ST3GAL3: variants seen among roughly 807,000 people sequenced by gnomAD.
ST3GAL3 encodes CMP-N-acetylneuraminate-beta-1,4-galactoside alpha-2,3-sialyltransferase.
In ST3GAL3, 21 loss-of-function variants were observed where a neutral mutation model predicts 50.1. That is an observed-to-expected ratio of 0.42 (90% confidence interval 0.30 to 0.60). The LOEUF is 0.60. ST3GAL3 is among the 20% of genes least tolerant of loss of function. The pLI, the probability that ST3GAL3 is intolerant of heterozygous loss-of-function variation, is 0.19. For missense variants in ST3GAL3, 353 were observed against 489.4 expected (o/e 0.72, Z 2.63); for synonymous variants, 183 against 190.0 (o/e 0.96, Z 0.30).
At chr1:43,836,640 T>C (rs72886898) in intron 4 of ST3GAL3, among the ~76,000 whole-genome samples, 10,153 of 152,304 alleles carry the variant, frequency 0.067, 371 homozygotes, top group East Asian at 0.14. Flanking sequence ...CACCAGAGTT[T>C]TGGCAGCAGG....
chr1:43,922,005 C>T (rs1052283043), intron 11 of ST3GAL3: 1 of 359,776 alleles, frequency 2.8e-6, no homozygotes, highest in African/African-American at 2.1e-5. Flanking sequence ...TTCCAACATT[C>T]CTCTTATTTC....
At position 43,855,209 on chromosome 1, in the gene ST3GAL3, C is replaced by A. The variant is rs573181893; in HGVS notation, c.302+16898C>A. On this transcript the variant is annotated intron_variant, in intron 5 of 11. Coordinates refer to ENST00000347631, the MANE Select transcript of ST3GAL3 (RefSeq NM_006279.5). Reference sequence around the variant, plus strand: ...TGTCACGCCATTTTTAGAGCACCTACCGTGTGCCAGACACTGTATTTCATT... The same window carrying A: ...TGTCACGCCATTTTTAGAGCACCTAACGTGTGCCAGACACTGTATTTCATT... Among the ~76,000 whole-genome samples, 7 of 152,300 alleles carry A rather than the reference C, an allele frequency of 4.6e-5. No homozygotes were observed. In the East Asian group the frequency reaches 1.4e-3, roughly 29 times the overall value.
chr1:43,746,531 C>T (rs188066545), intron 2 of ST3GAL3, among the ~76,000 whole-genome samples: 2 of 149,740 alleles, frequency 1.3e-5, no homozygotes, highest in Admixed American at 6.7e-5. Context: ...GGTGCAATCT[C>T]GGCTCACTGC....
intron 9 of ST3GAL3, among the ~76,000 whole-genome samples, chr1:43,906,618 C>G (rs2906598): frequency 0.09 from 13,224 of 146,308 alleles, 832 homozygotes; most frequent in South Asian, 0.21. Flanking sequence ...TCCTCCTGCT[C>G]TTCTTCCTGC....
At chr1:43,794,727 G>T (rs1291798584) in intron 3 of ST3GAL3, among the ~76,000 whole-genome samples, 1 of 152,130 alleles carries the variant, frequency 6.6e-6, no homozygotes, top group Non-Finnish European at 1.5e-5. Flanking sequence ...TATTCATAGG[G>T]AACAGTAAAA....
intron 9 of ST3GAL3, among the ~76,000 whole-genome samples, chr1:43,903,050 C>A (rs1458384596): frequency 6.6e-6 from 1 of 152,104 alleles, no homozygotes; most frequent in Non-Finnish European, 1.5e-5. Flanking sequence ...CTGAGCTGGA[C>A]CCTGAAGGAA....
At chr1:43,806,891 A>T (rs1228991801) in intron 3 of ST3GAL3, among the ~76,000 whole-genome samples, 1 of 152,058 alleles carries the variant, frequency 6.6e-6, no homozygotes, top group African/African-American at 2.4e-5. Flanking sequence ...AGGTTTCACC[A>T]TGTTGCCCAG....
chr1:43,812,934 C>T (rs1019030885), intron 3 of ST3GAL3, among the ~76,000 whole-genome samples: 12 of 151,938 alleles, frequency 7.9e-5, no homozygotes, highest in African/African-American at 2.9e-4. Flanking sequence ...AAATAATAAA[C>T]CACAGATATA....
chr1:43,778,311 A>G (rs1572677212), intron 2 of ST3GAL3, among the ~76,000 whole-genome samples: 1 of 152,182 alleles, frequency 6.6e-6, no homozygotes, highest in Non-Finnish European at 1.5e-5. Flanking sequence ...TAGCTAATGG[A>G]TGCTGGGCTT....
At chr1:43,892,753 G>A (rs1169479625) in intron 5 of ST3GAL3, among the ~76,000 whole-genome samples, 2 of 152,150 alleles carry the variant, frequency 1.3e-5, no homozygotes, top group African/African-American at 4.8e-5. Flanking sequence ...ATAAAATCCT[G>A]TCCAAGCTTG....
intron 4 of ST3GAL3, among the ~76,000 whole-genome samples, chr1:43,831,360 A>G (rs1331682490): frequency 6.6e-6 from 1 of 152,258 alleles, no homozygotes; most frequent in Non-Finnish European, 1.5e-5. Context: ...TGATGGGTCC[A>G]TGTATGATAT....
chr1:43,736,922 C>T (rs936136067), intron 2 of ST3GAL3: 6 of 220,592 alleles, frequency 2.7e-5, no homozygotes, highest in Admixed American at 5.3e-5. Flanking sequence ...CCAGTAACTC[C>T]TAATTTTTTT....
intron 3 of ST3GAL3, chr1:43,801,276 T>C (rs2059284326): frequency 2.2e-6 from 1 of 456,210 alleles, no homozygotes. Context: ...ATCTTCTTTG[T>C]GCCAGGTACA....
chr1:43,919,243 A>G (rs1385437070), intron 9 of ST3GAL3: 1 of 151,646 alleles, frequency 6.6e-6, no homozygotes, highest in Non-Finnish European at 1.5e-5. Flanking sequence ...ATGCCTGGCT[A>G]ATTTTTTGTA....
intron 1 of ST3GAL3, among the ~76,000 whole-genome samples, chr1:43,725,925 G>A (rs989581354): frequency 2.6e-5 from 4 of 152,148 alleles, no homozygotes; most frequent in African/African-American, 4.8e-5. Context: ...GATTACAGGC[G>A]TGAGCCATCG....
chr1:43,921,141 G>A (rs1030409006), intron 11 of ST3GAL3, among the ~76,000 whole-genome samples: 2 of 152,012 alleles, frequency 1.3e-5, no homozygotes, highest in African/African-American at 4.8e-5. Flanking sequence ...CCGTGCCCTG[G>A]TCCTGCACCT....
chr1:43,860,715 C>T (rs1011742211), intron 5 of ST3GAL3, among the ~76,000 whole-genome samples: 1 of 152,230 alleles, frequency 6.6e-6, no homozygotes, highest in South Asian at 2.1e-4. Flanking sequence ...AGCCATGAGC[C>T]CCTTTCCCTA....
intron 1 of ST3GAL3, among the ~76,000 whole-genome samples, chr1:43,734,316 T>G (rs1193735640): frequency 2.8e-5 from 4 of 142,544 alleles, no homozygotes; most frequent in African/African-American, 1.0e-4. Flanking sequence ...TTGTTTTTTT[T>G]TTTTTTGAGA....
chr1:43,911,657 C>A (rs1249558411), intron 9 of ST3GAL3, among the ~76,000 whole-genome samples: 11 of 142,676 alleles, frequency 7.7e-5, no homozygotes, highest in African/African-American at 2.3e-4. Context: ...ATATCTGTAG[C>A]TATAGATATC....
Sources: allele counts gnomAD v4.1 joint callset (sites outside exome capture counted in the v4.1 genomes callset), GRCh38; gene constraint gnomAD v4.1.1; transcripts MANE v1.5; gene names NCBI Gene and HGNC (gene_info 2026-07-23, HGNC 2026-07-21).